MMP16: variants seen among roughly 807,000 people sequenced by gnomAD.
MMP16 encodes the protein matrix metalloproteinase-16.
MMP16 carries 12 observed loss-of-function variants against 67.8 expected under a neutral mutation model. The observed-to-expected ratio is 0.18, with a 90% CI of 0.11 to 0.29. MMP16 has a LOEUF of 0.29. MMP16 is among the 10% of genes least tolerant of loss of function. The probability of loss-of-function intolerance (pLI) is 1.00; values close to 1 mark genes in which losing one functional copy is unlikely to be tolerated. For missense variants in MMP16, 475 were observed against 765.7 expected, an observed-to-expected ratio of 0.62 and a Z score of 4.48; for synonymous variants, 249 against 255.9, an observed-to-expected ratio of 0.97 and a Z score of 0.26.
chr8:88,054,690 A>G (rs938696322), intron 8 of MMP16, among the ~76,000 whole-genome samples: 1 of 152,222 alleles, frequency 6.6e-6, no homozygotes, highest in Non-Finnish European at 1.5e-5. Flanking sequence ...TACAGTTAGT[A>G]AAAGGATAAA....
intron 3 of MMP16, among the ~76,000 whole-genome samples, chr8:88,179,963 T>C (rs551770468): frequency 2.0e-5 from 3 of 152,268 alleles, no homozygotes; most frequent in South Asian, 2.1e-4. Flanking sequence ...TAGGTATTAA[T>C]ACAACTGCAT....
chr8:88,267,011 T>C (rs1401860), intron 1 of MMP16, among the ~76,000 whole-genome samples: 118,422 of 152,110 alleles, frequency 0.78, 46,761 homozygotes, highest in East Asian at 0.99. Flanking sequence ...AGAAGGAAGA[T>C]GTTGGTGTGA....
intron 1 of MMP16, among the ~76,000 whole-genome samples, chr8:88,256,231 C>T (rs1810298594): frequency 6.6e-6 from 1 of 151,952 alleles, no homozygotes. Flanking sequence ...TTATCAAAGA[C>T]AGGAGTAATA....
At chr8:88,271,237 T>A (rs1313595773) in intron 1 of MMP16, among the ~76,000 whole-genome samples, 2 of 152,202 alleles carry the variant, frequency 1.3e-5, no homozygotes, top group African/African-American at 2.4e-5. Context: ...GAAACTTCAA[T>A]TACTTATGAC....
chr8:88,050,846 C>T lies in MMP16; in HGVS notation c.1374-4062G>A, dbSNP rs1026092904. Reference sequence around the variant, plus strand: ...TCATAGATTCATTCACCCACTGATGCTTTTCTGTGCACCTATATTATATGC... The same window carrying T: ...TCATAGATTCATTCACCCACTGATGTTTTTCTGTGCACCTATATTATATGC... On this transcript the variant is annotated intron_variant, in intron 8 of 9. Transcript: ENST00000286614. Among the ~76,000 whole-genome samples the T allele has an allele frequency of 7.9e-5, 12 of 152,166 alleles. No homozygotes were observed. In the South Asian group the frequency reaches 8.3e-4, roughly 10 times the overall value.
chr8:88,087,272 T>C (rs909342285), intron 6 of MMP16, among the ~76,000 whole-genome samples: 1 of 151,950 alleles, frequency 6.6e-6, no homozygotes, highest in African/African-American at 2.4e-5. Flanking sequence ...CATCATACTT[T>C]GCTTTCTCTC....
intron 6 of MMP16, among the ~76,000 whole-genome samples, chr8:88,094,667 T>C (rs550629728): frequency 7.9e-5 from 12 of 151,788 alleles, no homozygotes; most frequent in Non-Finnish European, 1.6e-4. Context: ...AAGAGGCAGA[T>C]ACACACCAGT....
At chr8:88,262,596 T>C (rs1204617829) in intron 1 of MMP16, among the ~76,000 whole-genome samples, 2 of 152,194 alleles carry the variant, frequency 1.3e-5, no homozygotes, top group Admixed American at 6.5e-5. Context: ...ATATAGGCTG[T>C]TGGCTGTCTC....
chr8:88,119,873 A>C (rs1807789720), intron 4 of MMP16, among the ~76,000 whole-genome samples: 1 of 152,066 alleles, frequency 6.6e-6, no homozygotes, highest in African/African-American at 2.4e-5. Flanking sequence ...CACAAATGCA[A>C]ATATTTAATA....
At chr8:88,121,500 C>A (rs542441213) in intron 4 of MMP16, among the ~76,000 whole-genome samples, 2 of 152,118 alleles carry the variant, frequency 1.3e-5, no homozygotes, top group South Asian at 2.1e-4. Flanking sequence ...GTTGTTGGCA[C>A]ATGACAAGCT....
intron 1 of MMP16, among the ~76,000 whole-genome samples, chr8:88,301,099 C>A (rs1811091944): frequency 6.6e-6 from 1 of 152,142 alleles, no homozygotes; most frequent in African/African-American, 2.4e-5. Flanking sequence ...GTACAAAAAA[C>A]AGTATCATCC....
At chr8:88,198,032 C>CTCATGATTTTTAT (rs1809284169) in intron 1 of MMP16, among the ~76,000 whole-genome samples, 1 of 152,140 alleles carries the variant, frequency 6.6e-6, no homozygotes, top group Non-Finnish European at 1.5e-5. Context: ...TTATCCCCCA[C>CTCATGATTTTTAT]CTTCCCTGGT....
chr8:88,110,939 T>C (rs917277194), intron 6 of MMP16, among the ~76,000 whole-genome samples: 47 of 151,858 alleles, frequency 3.1e-4, no homozygotes, highest in Admixed American at 1.3e-3. Context: ...TTATTAGCCA[T>C]TATACAAATG....
rs1407669826 is a variant in MMP16 at position 88,155,842 on chromosome 8, A to G, written c.709+11827T>C. On this transcript the variant is annotated intron_variant, in intron 4 of 9. Coordinates refer to ENST00000286614, the MANE Select transcript of MMP16 (RefSeq NM_005941.5). Reference sequence around the variant, plus strand: ...TTTTCTTGATAAAATACTTTCAGTGACAGCCTTTTATTCCTGAGTCTTCAA... The same window carrying G: ...TTTTCTTGATAAAATACTTTCAGTGGCAGCCTTTTATTCCTGAGTCTTCAA... Among the ~76,000 whole-genome samples the G allele has an allele frequency of 8.5e-5, 13 of 152,092 alleles. No individual in the cohort carries two copies. In the East Asian group the frequency reaches 2.5e-3, roughly 29 times the overall value.
In MMP16 at chr8:88,058,485, A is replaced by C. The variant is rs973587324; in HGVS notation, c.1223-2207T>G. 6.6e-6 allele frequency among the ~76,000 whole-genome samples: 1 copy of C among 152,134 alleles called. No homozygotes were observed. The highest frequency in any genetic ancestry group is 6.6e-5 in the Admixed American group (1 of 15,248). On this transcript the variant is annotated intron_variant, in intron 7 of 9. Coordinates refer to ENST00000286614, the MANE Select transcript of MMP16 (RefSeq NM_005941.5). This position sits in a 1 kb window ranked among gnomAD's most constrained non-coding sequence, Gnocchi z 4.2. Reference sequence around the variant, plus strand: ...CATGAAGCTTAGATATCAGTGAGTGAGTATGAATCAAACAGATGAATAAAT... The same window carrying C: ...CATGAAGCTTAGATATCAGTGAGTGCGTATGAATCAAACAGATGAATAAAT...
chr8:88,226,088 A>C (rs1395545399), intron 1 of MMP16, among the ~76,000 whole-genome samples: 1 of 151,806 alleles, frequency 6.6e-6, no homozygotes, highest in Non-Finnish European at 1.5e-5. Flanking sequence ...GCAACTAACA[A>C]ATAGACTGTC....
At chr8:88,277,690 G>A (rs1009441600) in intron 1 of MMP16, among the ~76,000 whole-genome samples, 2 of 152,144 alleles carry the variant, frequency 1.3e-5, no homozygotes, top group African/African-American at 4.8e-5. Context: ...TTACTTTTGG[G>A]ATGCTGTATT....
intron 4 of MMP16, among the ~76,000 whole-genome samples, chr8:88,128,489 C>T (rs1317598390): frequency 2.0e-5 from 3 of 151,736 alleles, no homozygotes; most frequent in African/African-American, 7.3e-5. Context: ...TTTCTTAAAA[C>T]ATTTACTATA....
intron 4 of MMP16, among the ~76,000 whole-genome samples, chr8:88,139,889 T>C (rs1808183322): frequency 6.6e-6 from 1 of 152,196 alleles, no homozygotes; most frequent in Non-Finnish European, 1.5e-5. Context: ...TTTTCTTAGG[T>C]AATTTCCTAG....
Sources: allele counts gnomAD v4.1 joint callset (sites outside exome capture counted in the v4.1 genomes callset), GRCh38; gene constraint gnomAD v4.1.1; non-coding constraint Gnocchi (gnomAD v3.1); transcripts MANE v1.5; gene names NCBI Gene and HGNC (gene_info 2026-07-23, HGNC 2026-07-21).